KLHL13: variants seen among roughly 807,000 people sequenced by gnomAD.
KLHL13 encodes kelch-like protein 13.
A neutral mutation model predicts 37.1 loss-of-function variants in KLHL13; 10 were observed. The ratio of observed to expected loss-of-function variants is 0.27; its 90% CI spans 0.17 to 0.46. The LOEUF is 0.46. Among genes scored for constraint, KLHL13 ranks in the 20% least tolerant of loss-of-function variants. KLHL13 has a pLI of 1.00. For synonymous variants in KLHL13, 163 were observed against 181.2 expected, an observed-to-expected ratio of 0.90 and a Z score of 0.81; for missense variants, 360 against 509.3, an observed-to-expected ratio of 0.71 and a Z score of 2.82.
Position 117,995,486 on chromosome X carries a change from G to A in KLHL13, c.-55-49911C>T, listed in dbSNP as rs182329352. Among the ~76,000 whole-genome samples the A allele has an allele frequency of 2.7e-5, 3 of 111,099 alleles. No homozygotes were observed. In the East Asian group the frequency reaches 8.5e-4, roughly 31 times the overall value. On this transcript the variant is annotated intron_variant, in intron 1 of 6. Transcript: ENST00000371882. ...CAGGATACATGTGCAGAATGTGCAG[G>A]TTTGTTACATAAGTATACATGTGCC...
chrX:118,019,823 G>C (rs896778500), intron 1 of KLHL13, among the ~76,000 whole-genome samples: 7 of 101,941 alleles, frequency 6.9e-5, no homozygotes, highest in African/African-American at 2.3e-4. Flanking sequence ...CGTTATTTCT[G>C]AGGGCTCTGT....
At chrX:118,017,085 GTGA>G (rs2054135312) in intron 1 of KLHL13, among the ~76,000 whole-genome samples, 1 of 111,183 alleles carries the variant, frequency 9.0e-6, no homozygotes, top group South Asian at 3.8e-4. Context: ...AGCCACCAAA[GTGA>G]TCTTTCTAGC....
At chrX:118,032,378 A>C (rs778195811) in intron 1 of KLHL13, among the ~76,000 whole-genome samples, 62 of 111,923 alleles carry the variant, frequency 5.5e-4, no homozygotes, top group African/African-American at 2.0e-3. Flanking sequence ...TTCTCCCAGC[A>C]CGCAGCTGGA....
At chrX:118,032,499 C>A (rs1436911626) in intron 1 of KLHL13, among the ~76,000 whole-genome samples, 2 of 111,622 alleles carry the variant, frequency 1.8e-5, no homozygotes, top group African/African-American at 3.3e-5. Context: ...CTCACAGGGC[C>A]AGGTACTCCA....
chrX:117,942,920 T>C (rs760451791), intron 2 of KLHL13, among the ~76,000 whole-genome samples: 8 of 111,744 alleles, frequency 7.2e-5, no homozygotes, highest in African/African-American at 2.3e-4. Context: ...CTTCATAGTG[T>C]CAATGATCTT....
At chrX:117,974,148 T>C (rs2053568861), upstream of KLHL13, among the ~76,000 whole-genome samples, 1 of 111,764 alleles carries the variant, frequency 8.9e-6, no homozygotes, top group African/African-American at 3.3e-5. Flanking sequence ...ACAAATTTTC[T>C]ACACAATTCT....
intron 1 of KLHL13, among the ~76,000 whole-genome samples, chrX:117,958,227 C>T (rs1355923202): frequency 1.8e-5 from 2 of 111,590 alleles, no homozygotes; most frequent in East Asian, 2.8e-4. Flanking sequence ...ATATACACTA[C>T]GTTTTATTCC....
chrX:117,994,127 A>G (rs888280507), intron 1 of KLHL13, among the ~76,000 whole-genome samples: 1 of 111,978 alleles, frequency 8.9e-6, no homozygotes, highest in African/African-American at 3.2e-5. Context: ...CCATCTTTCC[A>G]TCAACCACGA....
Position 117,936,347 on chromosome X carries a change from C to A in KLHL13, c.240+9087G>T, listed in dbSNP as rs748243148. 6.3e-5 allele frequency among the ~76,000 whole-genome samples: 7 copies of A among 111,593 alleles called. No homozygotes were observed. The East Asian group carries it at 1.7e-3, about 27-fold the overall frequency. On this transcript the variant is annotated intron_variant, in intron 2 of 6. Coordinates refer to ENST00000262820, the Ensembl canonical transcript of KLHL13. ...AGCCTGTTAGGTATCAAATGACTTTCTAGGAATTTTCTTTGACAGCCTAGT... is the reference window on the plus strand; with the variant it reads ...AGCCTGTTAGGTATCAAATGACTTTATAGGAATTTTCTTTGACAGCCTAGT...
chrX:118,048,540 C>T (rs1409696905), intron 1 of KLHL13, among the ~76,000 whole-genome samples: 1 of 111,325 alleles, frequency 9.0e-6, no homozygotes, highest in East Asian at 2.8e-4. Flanking sequence ...ATGGTGGCTA[C>T]ATGGGCAACT....
chrX:118,004,422 C>A (rs986520427), intron 1 of KLHL13, among the ~76,000 whole-genome samples: 1 of 111,364 alleles, frequency 9.0e-6, no homozygotes, highest in African/African-American at 3.3e-5. Flanking sequence ...ATGCCTGATT[C>A]CAGAGCTAAT....
chrX:118,021,050 G>T (rs903730777), intron 1 of KLHL13, among the ~76,000 whole-genome samples: 25 of 100,438 alleles, frequency 2.5e-4, no homozygotes, highest in Non-Finnish European at 4.4e-4. Flanking sequence ...TAGATGACGA[G>T]TTAGTGGGTG....
At chrX:117,998,699 C>A (rs1473912280) in intron 1 of KLHL13, among the ~76,000 whole-genome samples, 1 of 109,876 alleles carries the variant, frequency 9.1e-6, no homozygotes, top group Non-Finnish European at 1.9e-5. Context: ...CAAAATACAC[C>A]TTCTGGAAAG....
chrX:117,935,627 G>A (rs1932739446), intron 2 of KLHL13, among the ~76,000 whole-genome samples: 2 of 111,459 alleles, frequency 1.8e-5, no homozygotes, highest in African/African-American at 3.3e-5. Context: ...AGAACAGGAG[G>A]AAGAGAGTGA....
At position 118,030,629 on chromosome X, in the gene KLHL13, G is replaced by A. The variant is rs368338269; in HGVS notation, c.-55-85054C>T. On this transcript the variant is annotated intron_variant, in intron 1 of 6. Coordinates refer to the KLHL13 transcript ENST00000371882. ...GTCTAACAGGAGGTGTTTAGCCATG[G>A]GGGCACCACCCTCATGAAGGATTAA... 5.4e-5 allele frequency among the ~76,000 whole-genome samples: 6 copies of A among 111,949 alleles called. No homozygotes were observed. In the East Asian group the frequency reaches 1.4e-3, roughly 26 times the overall value.
At chrX:118,110,357 C>T (rs1161881401) in intron 1 of KLHL13, among the ~76,000 whole-genome samples, 2 of 104,420 alleles carry the variant, frequency 1.9e-5, no homozygotes, top group African/African-American at 3.5e-5. Context: ...TTTCTCTTTT[C>T]TACTTTTCTA....
At chrX:118,069,029 T>C (rs1023974699) in intron 1 of KLHL13, among the ~76,000 whole-genome samples, 1 of 108,995 alleles carries the variant, frequency 9.2e-6, no homozygotes, top group Non-Finnish European at 1.9e-5. Flanking sequence ...GGACCTGAGC[T>C]GAATCTGCAC....
intron 6 of KLHL13, among the ~76,000 whole-genome samples, chrX:117,900,471 G>C (rs1460590693): frequency 2.7e-5 from 3 of 111,547 alleles, no homozygotes; most frequent in African/African-American, 9.8e-5. Flanking sequence ...AGAGGAGTTG[G>C]AGCTCTCATT....
rs1366111839 is a variant in KLHL13, at chrX:117,930,286, A to AGGCAGGC, written c.241-9917_241-9916insGCCTGCC. 4.0e-3 allele frequency among the ~76,000 whole-genome samples: 355 copies of AGGCAGGC among 89,195 alleles called. 4 individuals carry two copies. Among genetic ancestry groups the AGGCAGGC allele is most frequent in the African/African-American group, 0.01 (185 of 18,305 alleles). 77.5% of individuals were successfully genotyped at this position (89,195 alleles called of 115,157 possible). A position where few individuals can be genotyped will look rare whatever the true frequency, so the allele number is the denominator to read the frequency against. On this transcript the variant is annotated intron_variant, in intron 2 of 6. Transcript: ENST00000262820. ...GAAGGAAGGAAGGAAGGAAGGAAGGAAGGAAGGCAGGCAGGCAGGCAGGCA... is the reference window on the plus strand; with the variant it reads ...GAAGGAAGGAAGGAAGGAAGGAAGGAGGCAGGCAGGAAGGCAGGCAGGCAGGCAGGCA...
Sources: gnomAD v4.1 joint callset for allele counts (sites outside exome capture counted in the v4.1 genomes callset) on GRCh38, gnomAD v4.1.1 for gene constraint, MANE v1.5 for transcripts, NCBI Gene and HGNC (gene_info 2026-07-23, HGNC 2026-07-21) for gene names.